Variants in LGSN observed in about 807,000 individuals in gnomAD.
The protein encoded by LGSN is lengsin.
Under a neutral mutation model 19.5 loss-of-function variants are expected in LGSN, and 21 were observed. The observed-to-expected ratio is 1.07, with a 90% confidence interval of 0.76 to 1.55. The LOEUF (loss-of-function observed/expected upper bound fraction) is 1.55, where lower values mean the gene tolerates loss of function less well. Ranked by LOEUF, LGSN falls within the 40% of genes most tolerant of loss-of-function variation. The pLI is 0.00. For missense variants in LGSN, 673 were observed against 608.5 expected (o/e 1.11, Z -1.12); for synonymous variants, 257 against 215.6 (o/e 1.19, Z -1.68).
the LGSN span, among the ~76,000 whole-genome samples, chr6:63,422,432 T>A: frequency 2.0e-5 from 3 of 152,144 alleles, no homozygotes; most frequent in Admixed American, 6.6e-5. Context: ...GTGTTGATAG[T>A]GGGTAGGCTG....
At chr6:63,331,663 C>T in the LGSN span, among the ~76,000 whole-genome samples, 54 of 152,272 alleles carry the variant, frequency 3.5e-4, no homozygotes, top group South Asian at 6.2e-4. Flanking sequence ...GAACCCACAA[C>T]GGTCCCTGGA....
chr6:63,316,765 A>G (rs1369925846), intron 1 of LGSN, among the ~76,000 whole-genome samples: 2 of 151,910 alleles, frequency 1.3e-5, no homozygotes, highest in Non-Finnish European at 2.9e-5. Flanking sequence ...ATATTCATGT[A>G]TATATAATAT....
At chr6:63,423,239 A>G in the LGSN span, among the ~76,000 whole-genome samples, 1 of 152,324 alleles carries the variant, frequency 6.6e-6, no homozygotes, top group East Asian at 1.9e-4. Flanking sequence ...CCAGCTACTC[A>G]GTAGGCTGAG....
At chr6:63,347,624 G>C in the LGSN span, among the ~76,000 whole-genome samples, 1 of 152,090 alleles carries the variant, frequency 6.6e-6, no homozygotes, top group Non-Finnish European at 1.5e-5. Context: ...AAAGGCTAGA[G>C]AGGTCTCTAA....
intron 3 of LGSN, among the ~76,000 whole-genome samples, chr6:63,283,863 C>A (rs920924107): frequency 1.3e-5 from 2 of 152,044 alleles, no homozygotes; most frequent in Non-Finnish European, 2.9e-5. Context: ...CCAGGCCCAG[C>A]TAATTTTTGT....
intron 1 of LGSN, among the ~76,000 whole-genome samples, chr6:63,303,441 T>TA (rs1258275282): frequency 1.3e-5 from 2 of 152,200 alleles, no homozygotes; most frequent in African/African-American, 2.4e-5. Context: ...CATAAGGTGT[T>TA]ACAGCTATAA....
the LGSN span, among the ~76,000 whole-genome samples, chr6:63,479,930 T>C: frequency 6.6e-6 from 1 of 152,200 alleles, no homozygotes; most frequent in Non-Finnish European, 1.5e-5. Context: ...CTCTAGTCAC[T>C]GGAGATACAG....
chr6:63,505,299 G>A, the LGSN span, among the ~76,000 whole-genome samples: 6 of 151,762 alleles, frequency 4.0e-5, no homozygotes, highest in Non-Finnish European at 5.9e-5. Context: ...AAGTAAAGCC[G>A]GGCGTAGTGT....
the LGSN span, among the ~76,000 whole-genome samples, chr6:63,448,041 T>C: frequency 6.6e-6 from 1 of 152,250 alleles, no homozygotes; most frequent in African/African-American, 2.4e-5. Flanking sequence ...CATTAAAATA[T>C]TATTTTGTAT....
the LGSN span, among the ~76,000 whole-genome samples, chr6:63,406,390 A>G: frequency 2.0e-5 from 3 of 152,068 alleles, no homozygotes; most frequent in Non-Finnish European, 4.4e-5. Flanking sequence ...AAACCGCTCA[A>G]CTACGTGGAA....
At chr6:63,391,257 A>G in the LGSN span, among the ~76,000 whole-genome samples, 3 of 152,240 alleles carry the variant, frequency 2.0e-5, no homozygotes, top group Non-Finnish European at 4.4e-5. Flanking sequence ...GACATTTTCA[A>G]GTTATCTTAG....
At chr6:63,455,583 C>T in the LGSN span, among the ~76,000 whole-genome samples, 1 of 151,300 alleles carries the variant, frequency 6.6e-6, no homozygotes, top group Non-Finnish European at 1.5e-5. Context: ...GATGAAACCC[C>T]GTCTCTACTA....
the LGSN span, among the ~76,000 whole-genome samples, chr6:63,453,309 T>C: frequency 1.3e-5 from 2 of 152,174 alleles, no homozygotes; most frequent in Non-Finnish European, 2.9e-5. Context: ...ATCATGTTGG[T>C]TGTCTTCTAT....
At chr6:63,397,536 C>G in the LGSN span, among the ~76,000 whole-genome samples, 1 of 150,450 alleles carries the variant, frequency 6.6e-6, no homozygotes, top group Non-Finnish European at 1.5e-5. Flanking sequence ...TCTTGGTTGT[C>G]AATTTTAAAG....
chr6:63,287,232 C>T (rs1047097540), intron 2 of LGSN, among the ~76,000 whole-genome samples: 1 of 152,094 alleles, frequency 6.6e-6, no homozygotes, highest in Non-Finnish European at 1.5e-5. Flanking sequence ...TCTGAAACTC[C>T]GGAGGCTTTA....
At chr6:63,320,061 T>C, upstream of LGSN, 1 of 783,992 alleles carries the variant, frequency 1.3e-6, no homozygotes, top group South Asian at 1.5e-5. Context: ...ATAGAGGCTT[T>C]TCCAGAGGGG....
the LGSN span, among the ~76,000 whole-genome samples, chr6:63,336,918 C>T: frequency 9.8e-5 from 14 of 143,108 alleles, no homozygotes; most frequent in Non-Finnish European, 1.7e-4. Context: ...TATGACATTC[C>T]TTTCTTTTCT....
At chr6:63,365,829 G>GA in the LGSN span, among the ~76,000 whole-genome samples, 6 of 151,514 alleles carry the variant, frequency 4.0e-5, no homozygotes, top group East Asian at 1.9e-4. Flanking sequence ...AGAACCAAAG[G>GA]AAAAAAAATA....
the LGSN span, among the ~76,000 whole-genome samples, chr6:63,382,296 A>G: frequency 1.3e-5 from 2 of 152,220 alleles, no homozygotes; most frequent in Non-Finnish European, 2.9e-5. Flanking sequence ...CTAGTTAACC[A>G]AAATTATTGG....
Sources: allele counts gnomAD v4.1 joint callset (sites outside exome capture counted in the v4.1 genomes callset), GRCh38; gene constraint gnomAD v4.1.1; transcripts MANE v1.5; gene names NCBI Gene and HGNC (gene_info 2026-07-23, HGNC 2026-07-21).